The following SPIDR variants were observed in gnomAD, a reference collection of about 807,000 sequenced individuals.
SPIDR encodes scaffold protein involved in DNA repair.
A neutral mutation model predicts 104.6 loss-of-function variants in SPIDR; 93 were observed. The observed-to-expected ratio is 0.89, with a 90% confidence interval of 0.75 to 1.06. The LOEUF (loss-of-function observed/expected upper bound fraction) is 1.06, where lower values mean the gene tolerates loss of function less well. Among genes scored for constraint, SPIDR ranks in the 50% least tolerant of loss-of-function variants. The probability of loss-of-function intolerance (pLI) is 0.00; values close to 1 mark genes in which losing one functional copy is unlikely to be tolerated. For synonymous variants in SPIDR, 431 were observed against 416.9 expected, an observed-to-expected ratio of 1.03 and a Z score of -0.41; for missense variants, 1,154 against 1,111.2, an observed-to-expected ratio of 1.04 and a Z score of -0.55.
rs78223729 is a variant in SPIDR, at chr8:47,475,941, T to A, written c.1097+35399T>A. The stretch of plus-strand genomic sequence containing the variant: ...ATTGGTTTCTTTTTAATAAAAGACA[T>A]AGCATTTAAGAAATGTTTATAGATC... On this transcript the variant is annotated intron_variant, in intron 8 of 19. Transcript: ENST00000297423. Among the ~76,000 whole-genome samples the A allele has an allele frequency of 7.6e-4, 115 of 152,292 alleles. No homozygotes were observed. The East Asian group carries it at 0.022, about 29-fold the overall frequency.
At chr8:47,713,688 T>G in intron 16 of SPIDR, 47 bp downstream of exon 16, 1 of 1,603,778 alleles carries the variant, frequency 6.2e-7, no homozygotes, top group Non-Finnish European at 8.5e-7. Flanking sequence ...TTCTTAACTG[T>G]TATACTTTAT....
chr8:47,675,725 A>ATTGC (rs2154473253), intron 11 of SPIDR, among the ~76,000 whole-genome samples: 1 of 152,322 alleles, frequency 6.6e-6, no homozygotes, highest in Admixed American at 6.5e-5. Flanking sequence ...AGGCATGAGA[A>ATTGC]TTGCTTGAAA....
chr8:47,732,081 A>G (rs1274796456), intron 19 of SPIDR: 1 of 699,180 alleles, frequency 1.4e-6, no homozygotes, highest in African/African-American at 1.7e-5. Flanking sequence ...GGAAGTCTCC[A>G]GCAATGGACA....
chr8:47,606,516 A>T (rs1285691907), intron 10 of SPIDR, among the ~76,000 whole-genome samples: 1 of 152,000 alleles, frequency 6.6e-6, no homozygotes, highest in Non-Finnish European at 1.5e-5. Context: ...ACAGAGCGAG[A>T]CTCCATCTCA....
intron 8 of SPIDR, among the ~76,000 whole-genome samples, chr8:47,534,927 CAG>C (rs1332739551): frequency 6.6e-6 from 1 of 151,836 alleles, no homozygotes; most frequent in Non-Finnish European, 1.5e-5. Flanking sequence ...GGAAAAAAGA[CAG>C]AAATTACTAA....
intron 8 of SPIDR, chr8:47,511,469 C>G (rs1169858468): frequency 1.3e-6 from 1 of 777,252 alleles, no homozygotes; most frequent in Admixed American, 1.7e-5. Context: ...CCACTGTGAG[C>G]TAGCCTCCAC....
At chr8:47,398,016 G>A (rs1199503736) in intron 6 of SPIDR, among the ~76,000 whole-genome samples, 1 of 152,166 alleles carries the variant, frequency 6.6e-6, no homozygotes, top group Non-Finnish European at 1.5e-5. Context: ...AGTTTAGTGG[G>A]ATGGTCAGGG....
chr8:47,657,270 G>A (rs2073000072), intron 10 of SPIDR, among the ~76,000 whole-genome samples: 1 of 152,100 alleles, frequency 6.6e-6, no homozygotes, highest in Non-Finnish European at 1.5e-5. Context: ...TTACTTACCA[G>A]GGAATTGTGC....
At chr8:47,300,086 T>A (rs1466890719) in intron 5 of SPIDR, among the ~76,000 whole-genome samples, 1 of 152,218 alleles carries the variant, frequency 6.6e-6, no homozygotes, top group Non-Finnish European at 1.5e-5. Flanking sequence ...GGTCCTGGAC[T>A]TTTTTTGTTT....
intron 8 of SPIDR, among the ~76,000 whole-genome samples, chr8:47,581,449 A>G (rs2059685650): frequency 6.6e-6 from 1 of 152,186 alleles, no homozygotes; most frequent in Non-Finnish European, 1.5e-5. Context: ...TTTTTGAGTG[A>G]AAGGCTGGGT....
rs149971377 is a variant in SPIDR at position 47,680,102 on chromosome 8, A to G, written c.1685+6161A>G. The stretch of plus-strand genomic sequence containing the variant: ...AACCACGCTAGCCATGTGCCTCTGG[A>G]CACAGACCCTCGGTGTCCTCACTAA... On this transcript the variant is annotated intron_variant, in intron 11 of 19. Coordinates refer to ENST00000297423, the MANE Select transcript of SPIDR (RefSeq NM_001080394.4). Among the ~76,000 whole-genome samples, 169 of 152,314 alleles carry G rather than the reference A, an allele frequency of 1.1e-3. 1 individual carries two copies. Among genetic ancestry groups the G allele is most frequent in the African/African-American group, 3.9e-3 (164 of 41,576 alleles).
At chr8:47,294,322 T>G (rs1037221919) in intron 5 of SPIDR, 1 of 290,092 alleles carries the variant, frequency 3.4e-6, no homozygotes, top group Non-Finnish European at 6.4e-6. Context: ...GTGCTGGAAT[T>G]GCACATGTCA....
chr8:47,627,150 A>G (rs983033595), intron 10 of SPIDR, among the ~76,000 whole-genome samples: 1 of 152,186 alleles, frequency 6.6e-6, no homozygotes, highest in Non-Finnish European at 1.5e-5. Flanking sequence ...AAAAAACCGA[A>G]CACCGCATGT....
intron 12 of SPIDR, among the ~76,000 whole-genome samples, chr8:47,701,086 T>C (rs567367946): frequency 6.6e-6 from 1 of 152,326 alleles, no homozygotes; most frequent in South Asian, 2.1e-4. Context: ...TTCCTTAGGT[T>C]GTGGCTGACT....
intron 7 of SPIDR, among the ~76,000 whole-genome samples, chr8:47,428,139 G>A (rs1164138187): frequency 6.6e-6 from 1 of 152,200 alleles, no homozygotes; most frequent in Non-Finnish European, 1.5e-5. Flanking sequence ...GGCCAGGCTG[G>A]TCTCGAACTT....
At chr8:47,657,149 G>A (rs2072978667) in intron 10 of SPIDR, among the ~76,000 whole-genome samples, 1 of 152,102 alleles carries the variant, frequency 6.6e-6, no homozygotes, top group African/African-American at 2.4e-5. Flanking sequence ...GATTAAAATG[G>A]TAAATTTTAT....
At chr8:47,391,376 A>G (rs899356580) in intron 5 of SPIDR, among the ~76,000 whole-genome samples, 3 of 151,590 alleles carry the variant, frequency 2.0e-5, no homozygotes, top group Non-Finnish European at 4.4e-5. Flanking sequence ...TGTCTCTACA[A>G]AAAAAAATTT....
chr8:47,735,339 A>C lies in SPIDR; in HGVS notation c.2637A>C (p.Glu879Asp). Residue 879 changes from glutamate (E) to aspartate (D), a missense_variant, in exon 20 of 20, where the codon GAA (glutamate) becomes GAC (aspartate). By Grantham distance (45) the Glu-to-Asp change is conservative. Transcript: ENST00000297423. ...AAGTGAAGAGTGTCCTCGGAAAGGA[A>C]GTGGGGTTGTTAAATTGTTTTGTCC... ...SYEVKSVLGK[E>D]VGLLNCFVQS... is the part of the protein sequence containing the mutation. The C allele has an allele frequency of 6.2e-7, 1 of 1,613,878 alleles. No individual in the cohort carries two copies. The highest frequency in any genetic ancestry group is 1.1e-5 in the South Asian group (1 of 91,074).
At chr8:47,473,787 T>C (rs2075987484) in intron 8 of SPIDR, among the ~76,000 whole-genome samples, 1 of 152,148 alleles carries the variant, frequency 6.6e-6, no homozygotes, top group African/African-American at 2.4e-5. Flanking sequence ...ATCTGGAAAT[T>C]AGATCCCAAC....
Sources: gnomAD v4.1 joint callset for allele counts (sites outside exome capture counted in the v4.1 genomes callset) on GRCh38, gnomAD v4.1.1 for gene constraint, MANE v1.5 for transcripts, NCBI Gene and HGNC (gene_info 2026-07-23, HGNC 2026-07-21) for gene names.